The following BMPR1B variants were observed in gnomAD, a reference collection of about 807,000 sequenced individuals.
The protein encoded by BMPR1B is bone morphogenetic protein receptor type-1B.
In BMPR1B, 12 loss-of-function variants were observed where a neutral mutation model predicts 59.1. The ratio of observed to expected loss-of-function variants is 0.20; its 90% CI spans 0.13 to 0.33. The LOEUF (loss-of-function observed/expected upper bound fraction) is 0.33. Ranked by LOEUF, BMPR1B falls within the 10% of genes least tolerant of loss-of-function variation. BMPR1B has a pLI of 1.00. For synonymous variants in BMPR1B, 237 were observed against 207.3 expected, an observed-to-expected ratio of 1.14 and a Z score of -1.23; for missense variants, 550 against 610.9, an observed-to-expected ratio of 0.90 and a Z score of 1.05.
chr4:94,881,489 T>TG (rs199908029), intron 2 of BMPR1B, among the ~76,000 whole-genome samples: 1 of 151,802 alleles, frequency 6.6e-6, no homozygotes, highest in Non-Finnish European at 1.5e-5. Flanking sequence ...TTTTTTTTTT[T>TG]GCAATCCACT....
chr4:94,803,850 G>A (rs1193684282), intron 1 of BMPR1B, among the ~76,000 whole-genome samples: 5 of 135,412 alleles, frequency 3.7e-5, no homozygotes, highest in African/African-American at 1.5e-4. Context: ...TGCTTAAAAA[G>A]TAAAAAGAAA....
At chr4:94,856,270 C>G (rs1037540468) in intron 1 of BMPR1B, among the ~76,000 whole-genome samples, 2 of 152,146 alleles carry the variant, frequency 1.3e-5, no homozygotes, top group African/African-American at 4.8e-5. Context: ...CCATCTGCTG[C>G]AGGGGTGCCG....
intron 2 of BMPR1B, among the ~76,000 whole-genome samples, chr4:94,984,874 A>G (rs1721306701): frequency 6.6e-6 from 1 of 152,232 alleles, no homozygotes; most frequent in Non-Finnish European, 1.5e-5. Context: ...GTGTCTTGAT[A>G]CCAGAGTTAC....
chr4:95,026,554 TA>T (rs1724429303), intron 3 of BMPR1B, among the ~76,000 whole-genome samples: 1 of 152,148 alleles, frequency 6.6e-6, no homozygotes, highest in Admixed American at 6.6e-5. Context: ...CCTTAATGTT[TA>T]AATTATTTTA....
intron 3 of BMPR1B, among the ~76,000 whole-genome samples, chr4:95,082,956 T>G (rs1409792674): frequency 7.3e-6 from 1 of 136,152 alleles, no homozygotes; most frequent in Non-Finnish European, 1.5e-5. Context: ...GAGAATGGCG[T>G]GAACCCGGGA....
chr4:94,758,782 G>A (rs1721636794), intron 1 of BMPR1B, among the ~76,000 whole-genome samples: 1 of 151,170 alleles, frequency 6.6e-6, no homozygotes, highest in Non-Finnish European at 1.5e-5. Flanking sequence ...TCTCCTTATT[G>A]CTATCCTTTG....
chr4:94,770,203 T>TTTTTTTTTTTTTTTTTTTTTTTTTTG (rs1722133501), intron 1 of BMPR1B, among the ~76,000 whole-genome samples: 3 of 146,816 alleles, frequency 2.0e-5, no homozygotes, highest in Admixed American at 6.8e-5. Flanking sequence ...TTTTTTTTTT[T>TTTTTTTTTTTTTTTTTTTTTTTTTTG]TGCGAAAGCA....
At position 95,115,693 on chromosome 4, in the gene BMPR1B, C is replaced by T. The variant is rs144813372; in HGVS notation, c.255C>T (p.Pro85=). Residue 85 remains proline, a synonymous_variant, in exon 6 of 13, where the codon CCC becomes CCT. Coordinates refer to ENST00000515059, the MANE Select transcript of BMPR1B (RefSeq NM_001203.3). ...TTTGGGTTCGATTATAGGACACTCC[C>T]ATTCCTCATCAAAGAAGATCAATTG... ...EGSDFQCRDT[P]IPHQRRSIEC... is the part of the protein sequence containing the mutation. 8 of 1,613,114 alleles carry T rather than the reference C, an allele frequency of 5.0e-6. No homozygotes were observed. Among genetic ancestry groups the T allele is most frequent in the South Asian group, 4.4e-5 (4 of 91,076 alleles).
At chr4:94,835,638 A>G (rs1304824157) in intron 1 of BMPR1B, among the ~76,000 whole-genome samples, 2 of 149,506 alleles carry the variant, frequency 1.3e-5, no homozygotes, top group African/African-American at 2.5e-5. Flanking sequence ...TTTAAATTGA[A>G]AATATTTATT....
At chr4:95,095,917 A>G (rs939610950) in intron 3 of BMPR1B, among the ~76,000 whole-genome samples, 1 of 151,806 alleles carries the variant, frequency 6.6e-6, no homozygotes, top group Non-Finnish European at 1.5e-5. Flanking sequence ...TATTACTAAA[A>G]CTAAATACAG....
At chr4:94,772,694 C>T (rs1252895164) in intron 1 of BMPR1B, among the ~76,000 whole-genome samples, 4 of 151,826 alleles carry the variant, frequency 2.6e-5, no homozygotes, top group East Asian at 1.9e-4. Flanking sequence ...ATAATTTTTC[C>T]ATTATGGAAA....
At chr4:94,849,168 G>C (rs1725468591) in intron 1 of BMPR1B, among the ~76,000 whole-genome samples, 1 of 152,182 alleles carries the variant, frequency 6.6e-6, no homozygotes, top group Admixed American at 6.5e-5. Flanking sequence ...TCCAAGGTTT[G>C]GAAGTTGGGG....
rs1043468645 is a variant in BMPR1B at position 95,155,033 on chromosome 4, G to T, written c.*360G>T. The T allele has an allele frequency of 4.7e-6, 1 of 213,702 alleles. No individual in the cohort carries two copies. The highest frequency in any genetic ancestry group is 9.5e-6 in the Non-Finnish European group (1 of 105,030). The allele number at this position is 213,702 out of a possible 1,614,324, so 13.2% of individuals were successfully genotyped here. On this transcript the variant is annotated 3_prime_UTR_variant, in exon 13 of 13. Coordinates refer to ENST00000515059, the MANE Select transcript of BMPR1B (RefSeq NM_001203.3). ...TAATGTGGATGGTTTAAGGGTTATAGTATTATAGTTTAAATAATAACAACA... is the reference window on the plus strand; with the variant it reads ...TAATGTGGATGGTTTAAGGGTTATATTATTATAGTTTAAATAATAACAACA...
intron 2 of BMPR1B, among the ~76,000 whole-genome samples, chr4:94,928,337 T>A (rs1015642157): frequency 1.4e-4 from 22 of 152,008 alleles, no homozygotes; most frequent in African/African-American, 5.3e-4. Context: ...TAAAAATGTT[T>A]GTAGCTGCAA....
At chr4:94,962,764 T>C (rs7691748) in intron 2 of BMPR1B, among the ~76,000 whole-genome samples, 35,997 of 152,128 alleles carry the variant, frequency 0.24, 4,361 homozygotes, top group South Asian at 0.34. Flanking sequence ...CTAATATGAA[T>C]GGTGCTGCAA....
chr4:94,926,433 A>G (rs1450836195), intron 2 of BMPR1B, among the ~76,000 whole-genome samples: 2 of 152,056 alleles, frequency 1.3e-5, no homozygotes, highest in Non-Finnish European at 2.9e-5. Context: ...TTTAAATTCA[A>G]GATGTTTAGA....
chr4:94,943,495 A>C (rs1216967565), intron 2 of BMPR1B, among the ~76,000 whole-genome samples: 1 of 152,190 alleles, frequency 6.6e-6, no homozygotes, highest in Non-Finnish European at 1.5e-5. Context: ...AGGTCTAAAT[A>C]AGGATAATAA....
intron 1 of BMPR1B, among the ~76,000 whole-genome samples, chr4:94,840,812 G>A (rs1725028507): frequency 1.3e-5 from 2 of 148,794 alleles, no homozygotes; most frequent in African/African-American, 2.5e-5. Flanking sequence ...GTGAGGAACT[G>A]CGTTCCTTTG....
chr4:94,813,580 C>G (rs939456081), intron 1 of BMPR1B, among the ~76,000 whole-genome samples: 1 of 152,022 alleles, frequency 6.6e-6, no homozygotes, highest in Non-Finnish European at 1.5e-5. Flanking sequence ...TTGTCAGGCT[C>G]GATCTTGGCA....
Sources: gnomAD v4.1 joint callset for allele counts (sites outside exome capture counted in the v4.1 genomes callset) on GRCh38, gnomAD v4.1.1 for gene constraint, MANE v1.5 for transcripts, NCBI Gene and HGNC (gene_info 2026-07-23, HGNC 2026-07-21) for gene names.